AGO2: variants seen among roughly 807,000 people sequenced by gnomAD.
The protein encoded by AGO2 is protein argonaute-2.
A neutral mutation model predicts 102.3 loss-of-function variants in AGO2; 5 were observed. The ratio of observed to expected loss-of-function variants is 0.05; its 90% CI spans 0.03 to 0.10. The LOEUF (loss-of-function observed/expected upper bound fraction) is 0.10, where lower values mean the gene tolerates loss of function less well. Ranked by LOEUF, AGO2 falls within the 10% of genes least tolerant of loss-of-function variation. AGO2 has a pLI of 1.00. For synonymous variants in AGO2, 449 were observed against 473.1 expected (o/e 0.95, Z 0.66); for missense variants, 541 against 1,183.7 (o/e 0.46, Z 7.97).
intron 18 of AGO2, 112 bp from the exon 19 acceptor site, chr8:140,532,264 G>C: frequency 1.4e-6 from 2 of 1,381,278 alleles, no homozygotes; most frequent in African/African-American, 2.8e-5. Flanking sequence ...AGAGGGAAGA[G>C]TCCCACGCTG....
At chr8:140,533,530 G>C (rs972966999) in intron 17 of AGO2, among the ~76,000 whole-genome samples, 29 of 152,252 alleles carry the variant, frequency 1.9e-4, no homozygotes, top group African/African-American at 7.0e-4. Context: ...CATTAGGCCA[G>C]GTGCAGTGGA....
intron 16 of AGO2, 93 bp from the exon 17 acceptor site, chr8:140,535,662 G>A (rs2072684194): frequency 1.6e-6 from 2 of 1,233,952 alleles, no homozygotes; most frequent in African/African-American, 1.5e-5. Context: ...TGGCCAGGGT[G>A]CCCTATTTTG....
In AGO2 at chr8:140,557,790, G is replaced by A. The variant is rs2944763; in HGVS notation, c.879-554C>T. ...CTGCTAGTGCAGGGCAAAGGGCCACGTGGCTCAGTTTCTACTGCACAGACC... is the reference window on the plus strand; with the variant it reads ...CTGCTAGTGCAGGGCAAAGGGCCACATGGCTCAGTTTCTACTGCACAGACC... On this transcript the variant is annotated intron_variant, in intron 7 of 18. Transcript: ENST00000220592. This position sits in a 1 kb window ranked among gnomAD's most constrained non-coding sequence, Gnocchi z 5.9. 0.63 allele frequency among the ~76,000 whole-genome samples: 95,281 copies of A among 152,044 alleles called. 31,352 individuals carry two copies. Among genetic ancestry groups the A allele is most frequent in the African/African-American group, 0.84 (34,888 of 41,484 alleles).
At chr8:140,556,451 G>A (rs561099773) in intron 8 of AGO2, among the ~76,000 whole-genome samples, 165 bp from the exon 9 acceptor site, 10 of 152,208 alleles carry the variant, frequency 6.6e-5, no homozygotes, top group Admixed American at 4.6e-4. Flanking sequence ...GCTGCTCCAC[G>A]GCCTTCCGCT....
chr8:140,532,653 T>G lies in AGO2; in HGVS notation c.2272-38A>C, dbSNP rs763535557. On this transcript the variant is annotated intron_variant, in intron 17 of 18. Coordinates refer to ENST00000220592, the MANE Select transcript of AGO2 (RefSeq NM_012154.5). ...AGAAGATTAGACAGTTGGACTCGCA[T>G]AAAATCTTTAAAAGGATACTGTGGA... 3 of 1,581,308 alleles carry G rather than the reference T, an allele frequency of 1.9e-6. No individual in the cohort carries two copies. The East Asian group carries it at 6.7e-5, about 35-fold the overall frequency.
intron 13 of AGO2, among the ~76,000 whole-genome samples, chr8:140,544,540 A>G (rs2072861390): frequency 6.6e-6 from 1 of 151,202 alleles, no homozygotes; most frequent in South Asian, 2.1e-4. Flanking sequence ...TCCAGACCAG[A>G]TGGGCCAGGA....
chr8:140,565,347 G>A lies in AGO2; in HGVS notation c.337-2713C>T, dbSNP rs188781626. On this transcript the variant is annotated intron_variant, in intron 3 of 18. Transcript: ENST00000220592. ...CCAGCTACTGGGGAGGCTGAGGCAG[G>A]AGAATGGCATGAACCTGGGAGGCAG... 2.5e-3 allele frequency among the ~76,000 whole-genome samples: 380 copies of A among 150,710 alleles called. 2 individuals are homozygous for A. Among genetic ancestry groups the A allele is most frequent in the African/African-American group, 9.0e-3 (368 of 41,056 alleles).
chr8:140,616,398 T>TA (rs1564118231), intron 1 of AGO2, among the ~76,000 whole-genome samples: 1 of 152,238 alleles, frequency 6.6e-6, no homozygotes, highest in Non-Finnish European at 1.5e-5. Context: ...TCCCACAGTG[T>TA]AATCCCGTTA....
chr8:140,635,835 G>A (rs2074402915), upstream of AGO2, among the ~76,000 whole-genome samples: 1 of 145,072 alleles, frequency 6.9e-6, no homozygotes, highest in Admixed American at 6.8e-5. Context: ...GCCTGGGGCG[G>A]GGACCCGGGG....
chr8:140,577,012 C>G lies in AGO2; in HGVS notation c.216-4080G>C, dbSNP rs533279128. 5.5e-4 allele frequency among the ~76,000 whole-genome samples: 83 copies of G among 152,108 alleles called. 1 individual carries two copies. The highest frequency in any genetic ancestry group is 2.0e-3 in the African/African-American group (81 of 41,506). ...CACGAGATCAGGAGATCGAGACCAC[C>G]CTGGCTAACACAATGAAACCCTGTC... On this transcript the variant is annotated intron_variant, in intron 2 of 18. Coordinates refer to ENST00000220592, the MANE Select transcript of AGO2 (RefSeq NM_012154.5).
At chr8:140,603,202 A>G (rs2073954451) in intron 1 of AGO2, among the ~76,000 whole-genome samples, 1 of 152,078 alleles carries the variant, frequency 6.6e-6, no homozygotes, top group African/African-American at 2.4e-5. Context: ...GGCCCTGTGG[A>G]CCCGGCTCAG....
intron 11 of AGO2, among the ~76,000 whole-genome samples, chr8:140,550,782 T>C (rs985979454): frequency 6.6e-6 from 1 of 152,034 alleles, no homozygotes; most frequent in African/African-American, 2.4e-5. Context: ...GCTTGGCTAA[T>C]TTTTCTATTT....
chr8:140,630,681 G>C (rs571536354), intron 1 of AGO2, among the ~76,000 whole-genome samples: 24 of 152,190 alleles, frequency 1.6e-4, no homozygotes, highest in Non-Finnish European at 3.1e-4. Flanking sequence ...GGGGAGAAAA[G>C]AATCCCTCTT....
chr8:140,564,699 T>C (rs758004616), intron 3 of AGO2, among the ~76,000 whole-genome samples: 2 of 152,154 alleles, frequency 1.3e-5, no homozygotes, highest in African/African-American at 2.4e-5. Context: ...TCCCAGCACT[T>C]TGGGAGGCTG....
rs112405513 is a variant in AGO2 at position 140,539,502 on chromosome 8, G to A, written c.2035-48C>T. ...GTTGTGCTTAAAGATGGTAGTGCAT[G>A]TGAGCAACGGTCCCACGTGCGGGTT... On this transcript the variant is annotated intron_variant, in intron 15 of 18. Coordinates refer to ENST00000220592, the MANE Select transcript of AGO2 (RefSeq NM_012154.5). The surrounding 1 kb of genome is among the most constrained non-coding windows in gnomAD (Gnocchi z 4.7). 868 of 1,572,266 alleles carry A rather than the reference G, an allele frequency of 5.5e-4. 8 individuals are homozygous for A. The African/African-American group carries it at 0.01, about 19-fold the overall frequency.
At chr8:140,637,954 G>C (rs897438345), upstream of AGO2, 1 of 152,306 alleles carries the variant, frequency 6.6e-6, no homozygotes, top group African/African-American at 2.4e-5. Flanking sequence ...TCCCACACCC[G>C]GATGGTGACT....
At chr8:140,556,501 C>T (rs566263696) in intron 8 of AGO2, among the ~76,000 whole-genome samples, 11 of 152,272 alleles carry the variant, frequency 7.2e-5, no homozygotes, top group South Asian at 4.2e-4. Context: ...CCACGTCACG[C>T]GAACACAGAG....
intron 1 of AGO2, among the ~76,000 whole-genome samples, chr8:140,597,480 C>CCCCCCCCCCCCCCCCCCCCCCCCA (rs2073864620): frequency 7.6e-6 from 1 of 132,126 alleles, no homozygotes; most frequent in African/African-American, 2.7e-5. Flanking sequence ...CCCCACCCCC[C>CCCCCCCCCCCCCCCCCCCCCCCCA]CCCCCCCGCC....
In AGO2 at chr8:140,522,722, A is replaced by C; in HGVS notation, c.*9322T>G. On this transcript the variant is annotated 3_prime_UTR_variant, in exon 19 of 19. Coordinates refer to ENST00000220592, the MANE Select transcript of AGO2 (RefSeq NM_012154.5). ...AGAGAGAGGGAGGGGGAGGGGGGAG[A>C]GGGGGAGAGAGAGAGAGAGAGAGAG... 2.2e-5 allele frequency: 2 copies of C among 89,382 alleles called. No homozygotes were observed. Among genetic ancestry groups the C allele is most frequent in the South Asian group, 4.5e-4 (1 of 2,206 alleles). The allele number at this position is 89,382 out of a possible 1,614,324, so 5.5% of individuals were successfully genotyped here.
Sources: allele counts gnomAD v4.1 joint callset (sites outside exome capture counted in the v4.1 genomes callset), GRCh38; gene constraint gnomAD v4.1.1; non-coding constraint Gnocchi (gnomAD v3.1); transcripts MANE v1.5; gene names NCBI Gene and HGNC (gene_info 2026-07-23, HGNC 2026-07-21).